CBFA2T2: variants seen among roughly 807,000 people sequenced by gnomAD.
CBFA2T2 encodes the protein CBFA2/RUNX1 partner transcriptional co-repressor 2.
Under a neutral mutation model 62.2 loss-of-function variants are expected in CBFA2T2, and 11 were observed. That is an observed-to-expected ratio of 0.18 (90% CI 0.11 to 0.29). The LOEUF (loss-of-function observed/expected upper bound fraction) is 0.29. Among genes scored for constraint, CBFA2T2 ranks in the 10% least tolerant of loss-of-function variants. The pLI is 1.00. For missense variants in CBFA2T2, 592 were observed against 774.1 expected, an observed-to-expected ratio of 0.76 and a Z score of 2.79; for synonymous variants, 295 against 287.5, an observed-to-expected ratio of 1.03 and a Z score of -0.27.
chr20:33,504,137 C>T (rs1398928028), intron 1 of CBFA2T2, among the ~76,000 whole-genome samples: 1 of 151,930 alleles, frequency 6.6e-6, no homozygotes, highest in Non-Finnish European at 1.5e-5. Flanking sequence ...AGTATGTAAC[C>T]TTTGTGTCTG....
At position 33,490,187 on chromosome 20, in the gene CBFA2T2, C is replaced by CCG. The variant is rs926625862; in HGVS notation, c.-78_-77dup. ...CGGCGACGCCTGCGAGGGACCCGGG[C>CCG]CGCGGGTCGAGGCGGGCGGCGCCTG... On this transcript the variant is annotated 5_prime_UTR_variant, in exon 1 of 11. Transcript: ENST00000342704. 8.4e-7 allele frequency: 1 copy of CCG among 1,190,390 alleles called. No homozygotes were observed. The highest frequency in any genetic ancestry group is 1.0e-6 in the Non-Finnish European group (1 of 959,018). 73.7% of individuals were successfully genotyped at this position (1,190,390 alleles called of 1,614,324 possible). A position where few individuals can be genotyped will look rare whatever the true frequency, so the allele number is the denominator to read the frequency against.
rs757893361 is a variant in CBFA2T2 at position 33,648,943 on chromosome 20, A to G, written c.*4297A>G. On this transcript the variant is annotated 3_prime_UTR_variant, in exon 11 of 11. Transcript: ENST00000342704. ...ACATCATTCTGGGTAGTTCTAGAGGATATCGCAACAAGTGCGTTTGAAGGT... is the reference window on the plus strand; with the variant it reads ...ACATCATTCTGGGTAGTTCTAGAGGGTATCGCAACAAGTGCGTTTGAAGGT... The G allele has an allele frequency of 1.3e-5, 2 of 152,094 alleles. No homozygotes were observed. Among genetic ancestry groups the G allele is most frequent in the Non-Finnish European group, 2.9e-5 (2 of 68,034 alleles). The allele number at this position is 152,094 out of a possible 1,614,324, so 9.4% of individuals were successfully genotyped here.
chr20:33,514,812 T>C (rs1324451137), intron 1 of CBFA2T2, among the ~76,000 whole-genome samples: 2 of 151,912 alleles, frequency 1.3e-5, no homozygotes, highest in South Asian at 2.1e-4. Flanking sequence ...TTCTCCTGCC[T>C]CGGCCTCCCG....
chr20:33,547,976 T>G (rs1156910970), intron 1 of CBFA2T2, among the ~76,000 whole-genome samples: 1 of 152,160 alleles, frequency 6.6e-6, no homozygotes, highest in Non-Finnish European at 1.5e-5. Context: ...GGGGTCTTGC[T>G]GTATTGCAGG....
At chr20:33,641,932 G>A (rs2016856130) in intron 10 of CBFA2T2, among the ~76,000 whole-genome samples, 1 of 150,874 alleles carries the variant, frequency 6.6e-6, no homozygotes. Flanking sequence ...GTCCATTTCA[G>A]TATTGTACTG....
At chr20:33,504,403 C>CTTTTTTTTTTTTTTTTTTTTTT (rs533648842) in intron 1 of CBFA2T2, among the ~76,000 whole-genome samples, 1 of 117,552 alleles carries the variant, frequency 8.5e-6, no homozygotes, top group Non-Finnish European at 1.8e-5. Context: ...TCATATTTAA[C>CTTTTTTTTTTTTTTTTTTTTTT]TTTTTTTTTT....
At chr20:33,505,221 T>G (rs1400729226) in intron 1 of CBFA2T2, among the ~76,000 whole-genome samples, 1 of 152,200 alleles carries the variant, frequency 6.6e-6, no homozygotes, top group East Asian at 1.9e-4. Context: ...AGAGGTGTAA[T>G]AGAGGAAGAT....
intron 1 of CBFA2T2, among the ~76,000 whole-genome samples, chr20:33,500,023 A>T (rs1361821780): frequency 6.6e-6 from 1 of 151,644 alleles, no homozygotes; most frequent in Non-Finnish European, 1.5e-5. Flanking sequence ...CAGTGGTGTG[A>T]TCTTGGCTCA....
chr20:33,596,978 A>G (rs138809671), intron 1 of CBFA2T2, among the ~76,000 whole-genome samples: 44 of 146,964 alleles, frequency 3.0e-4, no homozygotes, highest in Admixed American at 5.7e-4. Context: ...AGGCTAGAGT[A>G]CAGTGGCACA....
intron 3 of CBFA2T2, among the ~76,000 whole-genome samples, chr20:33,613,666 A>G (rs992396781): frequency 1.3e-5 from 2 of 152,176 alleles, no homozygotes; most frequent in Non-Finnish European, 2.9e-5. Context: ...AGCATGAACC[A>G]TACTGTTCGC....
At chr20:33,640,648 A>G in intron 10 of CBFA2T2, 117 bp downstream of exon 10, 3 of 874,248 alleles carry the variant, frequency 3.4e-6, no homozygotes, top group Non-Finnish European at 5.3e-6. Flanking sequence ...CTCAATGAGG[A>G]TAATTTTTAT....
intron 1 of CBFA2T2, among the ~76,000 whole-genome samples, chr20:33,544,401 A>G (rs573057735): frequency 1.3e-5 from 2 of 151,994 alleles, no homozygotes; most frequent in African/African-American, 4.8e-5. Flanking sequence ...CTTATTTAAA[A>G]CTGTGCCCCA....
intron 2 of CBFA2T2, among the ~76,000 whole-genome samples, chr20:33,608,905 G>C (rs908423832): frequency 3.9e-5 from 6 of 152,170 alleles, no homozygotes; most frequent in African/African-American, 1.4e-4. Flanking sequence ...TGAAAACAAA[G>C]AAATGGCAGA....
At chr20:33,532,266 G>A (rs920345564) in intron 1 of CBFA2T2, among the ~76,000 whole-genome samples, 3 of 152,192 alleles carry the variant, frequency 2.0e-5, no homozygotes, top group African/African-American at 7.2e-5. Flanking sequence ...AACTGTTATT[G>A]TTCAAGTATG....
At chr20:33,523,496 T>TA (rs941927820) in intron 1 of CBFA2T2, among the ~76,000 whole-genome samples, 1 of 152,008 alleles carries the variant, frequency 6.6e-6, no homozygotes, top group Non-Finnish European at 1.5e-5. Context: ...CAAAAGCATT[T>TA]AAAAAAATGG....
intron 2 of CBFA2T2, 110 bp from the exon 3 acceptor site, chr20:33,610,984 T>C: frequency 2.2e-6 from 3 of 1,355,694 alleles, no homozygotes; most frequent in Non-Finnish European, 3.1e-6. Context: ...CTTTATAACA[T>C]GTGCTTTACA....
rs987281472 is a variant in CBFA2T2, at chr20:33,646,735, CCTGTAATCCT to C, written c.*2090_*2099del. The C allele has an allele frequency of 2.0e-5, 3 of 151,916 alleles. No homozygotes were observed. The highest frequency in any genetic ancestry group is 7.2e-5 in the African/African-American group (3 of 41,420). The allele number at this position is 151,916 out of a possible 1,614,324, so 9.4% of individuals were successfully genotyped here. A position where few individuals can be genotyped will look rare whatever the true frequency, so the allele number is the denominator to read the frequency against. ...AATCAGCCGGGTGTGGTGGCACACA[CCTGTAATCCT>C]AGCTACTCAGGAGGCTGAGGCAAGA... On this transcript the variant is annotated 3_prime_UTR_variant, in exon 11 of 11. Coordinates refer to ENST00000342704, the MANE Select transcript of CBFA2T2 (RefSeq NM_001032999.3).
At chr20:33,513,685 G>T (rs1205412274) in intron 1 of CBFA2T2, among the ~76,000 whole-genome samples, 19 of 150,536 alleles carry the variant, frequency 1.3e-4, no homozygotes, top group South Asian at 1.1e-3. Flanking sequence ...ATGGTGGCAG[G>T]TGCCTGTAAT....
chr20:33,558,074 G>T (rs1170980705), intron 1 of CBFA2T2, among the ~76,000 whole-genome samples: 4 of 150,074 alleles, frequency 2.7e-5, no homozygotes, highest in Non-Finnish European at 4.4e-5. Flanking sequence ...TGATCCACTC[G>T]TCTCGGCCTT....
Sources: gnomAD v4.1 joint callset for allele counts (sites outside exome capture counted in the v4.1 genomes callset) on GRCh38, gnomAD v4.1.1 for gene constraint, MANE v1.5 for transcripts, NCBI Gene and HGNC (gene_info 2026-07-23, HGNC 2026-07-21) for gene names.